TNRC6A: variants seen among roughly 807,000 people sequenced by gnomAD.
TNRC6A encodes the protein trinucleotide repeat containing adaptor 6A.
A neutral mutation model predicts 221.2 loss-of-function variants in TNRC6A; 44 were observed. That is an observed-to-expected ratio of 0.20 (90% CI 0.16 to 0.26). The LOEUF (loss-of-function observed/expected upper bound fraction) is 0.26, where lower values mean the gene tolerates loss of function less well. Ranked by LOEUF, TNRC6A falls within the 10% of genes least tolerant of loss-of-function variation. TNRC6A has a pLI of 1.00. For missense variants in TNRC6A, 2,199 were observed against 2,404.4 expected, an observed-to-expected ratio of 0.91 and a Z score of 1.79; for synonymous variants, 847 against 838.5, an observed-to-expected ratio of 1.01 and a Z score of -0.18.
chr16:24,799,283 G>C (rs781177207), intron 11 of TNRC6A, among the ~76,000 whole-genome samples: 1 of 152,132 alleles, frequency 6.6e-6, no homozygotes, highest in Non-Finnish European at 1.5e-5. Flanking sequence ...GGGTAAAATT[G>C]GAGCTAGAGG....
chr16:24,656,806 C>T (rs907909722), intron 2 of TNRC6A, among the ~76,000 whole-genome samples: 9 of 151,992 alleles, frequency 5.9e-5, no homozygotes, highest in Admixed American at 5.2e-4. Flanking sequence ...ACCCTGTAAT[C>T]AGAGGCAAAA....
chr16:24,790,392 A>C lies in TNRC6A; in HGVS notation c.1750A>C (p.Thr584Pro), dbSNP rs1224939006. Residue 584 changes from threonine to proline, a missense_variant, in exon 6 of 25, where the codon ACA becomes CCA. By Grantham distance (38) the Thr-to-Pro change is conservative (BLOSUM62 -1). Coordinates refer to ENST00000395799, the MANE Select transcript of TNRC6A (RefSeq NM_014494.4). ...WESGAANSQS[T>P]SWGSGNGANS... The stretch of plus-strand genomic sequence containing the variant: ...ATCTGGTGCAGCAAACTCCCAGAGT[A>C]CATCATGGGGAAGTGGAAATGGCGC... 6.2e-7 allele frequency: 1 copy of C among 1,614,120 alleles called. No homozygotes were observed. Among genetic ancestry groups the C allele is most frequent in the East Asian group, 2.2e-5 (1 of 44,898 alleles).
chr16:24,729,676 C>A lies in TNRC6A; in HGVS notation c.-166C>A. 2 of 699,122 alleles carry A rather than the reference C, an allele frequency of 2.9e-6. No homozygotes were observed. The highest frequency in any genetic ancestry group is 3.9e-6 in the Non-Finnish European group (2 of 513,994). 43.3% of individuals were successfully genotyped at this position (699,122 alleles called of 1,614,324 possible). Reference sequence around the variant, plus strand: ...ACTTCCGGTCTGGGGCCTGCGGCGGCGGCGGTGTCGGCGGCGGCGGCGGCG... The same window carrying A: ...ACTTCCGGTCTGGGGCCTGCGGCGGAGGCGGTGTCGGCGGCGGCGGCGGCG... On this transcript the variant is annotated 5_prime_UTR_variant, in exon 1 of 25. Transcript: ENST00000395799.
rs78936494 is a variant in TNRC6A at position 24,675,280 on chromosome 16, A to C, written n.402+34271A>C. 2.1e-3 allele frequency among the ~76,000 whole-genome samples: 316 copies of C among 152,362 alleles called. 2 individuals are homozygous for C. The highest frequency in any genetic ancestry group is 7.3e-3 in the African/African-American group (303 of 41,590). On this transcript the variant is annotated intron_variant and non_coding_transcript_variant, in intron 2 of 2. Transcript: ENST00000566108. Reference sequence around the variant, plus strand: ...CATTGGAATGAATTGCAAGAGAAGTACAAAAAGATATTTTGCATGAGAAAT... The same window carrying C: ...CATTGGAATGAATTGCAAGAGAAGTCCAAAAAGATATTTTGCATGAGAAAT...
rs190078809 is a variant in TNRC6A at position 24,782,604 on chromosome 16, G to A, written c.589+5246G>A. On this transcript the variant is annotated intron_variant, in intron 5 of 24. Transcript: ENST00000395799. ...ACGTAAGAGTGATTTGAGGCCGGGC[G>A]TGGTGGCTCATGCCTGTAATCCCAG... Among the ~76,000 whole-genome samples the A allele has an allele frequency of 2.6e-5, 4 of 152,290 alleles. No individual in the cohort carries two copies. The East Asian group carries it at 5.8e-4, about 22-fold the overall frequency.
intron 2 of TNRC6A, among the ~76,000 whole-genome samples, chr16:24,694,496 G>A (rs1437560055): frequency 6.6e-6 from 1 of 151,770 alleles, no homozygotes; most frequent in Non-Finnish European, 1.5e-5. Flanking sequence ...TCTACTAAAA[G>A]TACAAAAAAT....
At position 24,806,237 on chromosome 16, in the gene TNRC6A, G is replaced by A; in HGVS notation, c.4283G>A (p.Ser1428Asn). Residue 1428 changes from serine (S) to asparagine (N), a missense_variant, in exon 16 of 25, where the codon AGT becomes AAT. Around this residue, in one of 8 missense-constraint regions of TNRC6A, gnomAD observed 449 missense variants for 579.7 expected, o/e 0.77. Transcript: ENST00000395799. ...TTAGCGCAGCAGCAAAGGGCGCAGA[G>A]TCAGAGAAGCGTGCCTTCTGGGAAC... The part of the protein sequence containing the change: ...RLLAQQQRAQ[S>N]QRSVPSGNRP... 1 of 1,614,214 alleles carries A rather than the reference G, an allele frequency of 6.2e-7. No individual in the cohort carries two copies. The highest frequency in any genetic ancestry group is 1.1e-5 in the South Asian group (1 of 91,090).
intron 4 of TNRC6A, among the ~76,000 whole-genome samples, chr16:24,762,956 G>A (rs2057394312): frequency 6.6e-6 from 1 of 152,124 alleles, no homozygotes; most frequent in Non-Finnish European, 1.5e-5. Context: ...AGATTTTACA[G>A]TATTTCTCTA....
chr16:24,724,308 C>G (rs904600827), intron 2 of TNRC6A, among the ~76,000 whole-genome samples: 1 of 152,030 alleles, frequency 6.6e-6, no homozygotes, highest in Non-Finnish European at 1.5e-5. Flanking sequence ...AGTTAATTAC[C>G]CCCATCTGCA....
chr16:24,714,224 T>A (rs2142337214), intron 2 of TNRC6A, among the ~76,000 whole-genome samples: 1 of 152,174 alleles, frequency 6.6e-6, no homozygotes. Flanking sequence ...TCCTGTCTTC[T>A]TCGCTTTAGA....
chr16:24,623,323 C>G (rs146539950), intron 1 of TNRC6A, among the ~76,000 whole-genome samples: 2,058 of 152,146 alleles, frequency 0.014, 50 homozygotes, highest in African/African-American at 0.047. Flanking sequence ...CTCAGCCTGC[C>G]GAGTAGCTGG....
chr16:24,692,623 G>C (rs914819399), intron 2 of TNRC6A, among the ~76,000 whole-genome samples: 8 of 99,082 alleles, frequency 8.1e-5, no homozygotes, highest in Non-Finnish European at 1.7e-4. Flanking sequence ...ATAAAACAAA[G>C]TAAAGTAAAA....
chr16:24,741,281 T>C (rs1200195021), intron 2 of TNRC6A, among the ~76,000 whole-genome samples: 1 of 152,196 alleles, frequency 6.6e-6, no homozygotes, highest in Non-Finnish European at 1.5e-5. Flanking sequence ...TTGTGAGCTG[T>C]GGGCCTTTAT....
At chr16:24,714,407 C>T (rs2056272056) in intron 2 of TNRC6A, among the ~76,000 whole-genome samples, 1 of 141,104 alleles carries the variant, frequency 7.1e-6, no homozygotes, top group Non-Finnish European at 1.5e-5. Context: ...CTCCCAGGTT[C>T]ACACCATTCT....
chr16:24,785,771 C>G (rs1483379360), intron 5 of TNRC6A, among the ~76,000 whole-genome samples: 1 of 152,120 alleles, frequency 6.6e-6, no homozygotes, highest in African/African-American at 2.4e-5. Flanking sequence ...ATCTTGTTTT[C>G]TTACTCCTGC....
chr16:24,660,739 C>CTTTTTTTTTTTTTTTTTTTTTTT (rs58299677), intron 2 of TNRC6A, among the ~76,000 whole-genome samples: 15 of 91,290 alleles, frequency 1.6e-4, no homozygotes, highest in Non-Finnish European at 2.6e-4. Flanking sequence ...TTTTTTTTTT[C>CTTTTTTTTTTTTTTTTTTTTTTT]TTTTTTTTTT....
At position 24,789,221 on chromosome 16, in the gene TNRC6A, C is replaced by CT. The variant is rs766920334; in HGVS notation, c.590-8dup. 1.3e-6 allele frequency: 2 copies of CT among 1,558,280 alleles called. No homozygotes were observed. The highest frequency in any genetic ancestry group is 2.5e-5 in the South Asian group (2 of 81,118). The stretch of plus-strand genomic sequence containing the variant: ...CACTTTATAAATAGTTGTACTTCTC[C>CT]TTTATCCTAGATATAAACCACAGTA... On this transcript the variant is annotated splice_polypyrimidine_tract_variant and intron_variant, in intron 5 of 24. Transcript: ENST00000395799.
At chr16:24,663,015 T>A (rs1365472912) in intron 2 of TNRC6A, 1 of 153,704 alleles carries the variant, frequency 6.5e-6, no homozygotes, top group African/African-American at 2.4e-5. Flanking sequence ...ATGAATTGCT[T>A]AGAAGAGGAT....
chr16:24,723,641 T>G (rs2056448782), intron 2 of TNRC6A, among the ~76,000 whole-genome samples: 1 of 150,742 alleles, frequency 6.6e-6, no homozygotes, highest in African/African-American at 2.4e-5. Context: ...CTGGACAGAG[T>G]TAATTCCACA....
Sources: allele counts gnomAD v4.1 joint callset (sites outside exome capture counted in the v4.1 genomes callset), GRCh38; gene constraint gnomAD v4.1.1; regional missense constraint gnomAD v4.1.1; transcripts MANE v1.5; gene names NCBI Gene and HGNC (gene_info 2026-07-23, HGNC 2026-07-21).